SYTL3: variants seen among roughly 807,000 people sequenced by gnomAD.
The protein encoded by SYTL3 is synaptotagmin like 3.
In SYTL3, 88 loss-of-function variants were observed where a neutral mutation model predicts 82.1. That is an observed-to-expected ratio of 1.07 (90% CI 0.90 to 1.28). SYTL3 has a LOEUF of 1.28. Among genes scored for constraint, SYTL3 ranks in the 50% most tolerant of loss-of-function variants. The pLI, the probability that SYTL3 is intolerant of heterozygous loss-of-function variation, is 0.00. For synonymous variants in SYTL3, 311 were observed against 289.4 expected (o/e 1.07, Z -0.76); for missense variants, 831 against 757.6 (o/e 1.10, Z -1.14).
At chr6:158,730,902 TC>T (rs1325298937) in intron 11 of SYTL3, among the ~76,000 whole-genome samples, 1 of 152,124 alleles carries the variant, frequency 6.6e-6, no homozygotes, top group Non-Finnish European at 1.5e-5. Flanking sequence ...GGTGAAGTAT[TC>T]CTTAGTCAGG....
chr6:158,660,425 G>T (rs1789243318), intron 2 of SYTL3, among the ~76,000 whole-genome samples: 1 of 152,268 alleles, frequency 6.6e-6, no homozygotes, highest in African/African-American at 2.4e-5. Flanking sequence ...GGGGGAGCGT[G>T]AGCTCCCTCT....
chr6:158,715,744 C>T (rs1236809715), intron 9 of SYTL3, among the ~76,000 whole-genome samples: 1 of 151,202 alleles, frequency 6.6e-6, no homozygotes, highest in East Asian at 1.9e-4. Context: ...GAGTGCTTCC[C>T]CTGTTTCTGC....
chr6:158,651,221 A>G (rs1787972194), intron 1 of SYTL3, among the ~76,000 whole-genome samples: 1 of 152,234 alleles, frequency 6.6e-6, no homozygotes, highest in Non-Finnish European at 1.5e-5. Context: ...GTTCAGAGTA[A>G]GAGCTAAATA....
chr6:158,691,673 A>G (rs1233508989), intron 6 of SYTL3, among the ~76,000 whole-genome samples: 2 of 151,278 alleles, frequency 1.3e-5, no homozygotes, highest in Admixed American at 1.3e-4. Context: ...CTTTTTTGAG[A>G]CGGAGTCTCG....
intron 6 of SYTL3, among the ~76,000 whole-genome samples, chr6:158,689,842 C>T (rs140998068): frequency 8.0e-4 from 122 of 152,064 alleles, no homozygotes; most frequent in African/African-American, 2.8e-3. Context: ...TTAGTAGAGA[C>T]GGGGTTTCAT....
chr6:158,744,304 C>CTTTTTTTTTTTTTTTT (rs869182913), intron 11 of SYTL3, among the ~76,000 whole-genome samples: 1 of 99,208 alleles, frequency 1.0e-5, no homozygotes, highest in Non-Finnish European at 1.9e-5. Context: ...CTTTTTCTTT[C>CTTTTTTTTTTTTTTTT]TTTTTTTTTT....
At chr6:158,704,341 C>T (rs1377179065) in intron 6 of SYTL3, among the ~76,000 whole-genome samples, 1 of 152,214 alleles carries the variant, frequency 6.6e-6, no homozygotes, top group Non-Finnish European at 1.5e-5. Flanking sequence ...TTGACCCAGG[C>T]CCCGCCTGTG....
chr6:158,676,933 T>C (rs1173313747), intron 5 of SYTL3, among the ~76,000 whole-genome samples: 1 of 151,820 alleles, frequency 6.6e-6, no homozygotes, highest in African/African-American at 2.4e-5. Context: ...TGTGGAGAAA[T>C]AGGAACACTT....
intron 12 of SYTL3, among the ~76,000 whole-genome samples, chr6:158,745,996 T>A (rs1304800917): frequency 6.6e-6 from 1 of 152,190 alleles, no homozygotes; most frequent in East Asian, 1.9e-4. Flanking sequence ...CTCACAGTTC[T>A]GGAGGCTGGG....
intron 10 of SYTL3, among the ~76,000 whole-genome samples, 154 bp from the exon 11 acceptor site, chr6:158,725,349 G>A (rs558206408): frequency 8.5e-5 from 13 of 152,228 alleles, no homozygotes; most frequent in African/African-American, 2.4e-4. Context: ...GTGTGCGCAC[G>A]TGCACGCATT....
At position 158,751,994 on chromosome 6, in the gene SYTL3, G is replaced by GA; in HGVS notation, c.1103dup (p.Asn368LysfsTer54). On this transcript the variant is annotated frameshift_variant, in exon 13 of 18. Coordinates refer to ENST00000611299, the MANE Select transcript of SYTL3 (RefSeq NM_001242394.2). LOFTEE classifies it high-confidence loss of function. ...GAAAGCGCAAGACTGGAGTCCAAAGGAACACCGTGGACCCGACCTTTCAGG... is the reference window on the plus strand; with the variant it reads ...GAAAGCGCAAGACTGGAGTCCAAAGGAAACACCGTGGACCCGACCTTTCAGG... 1 of 1,604,212 alleles carries GA rather than the reference G, an allele frequency of 6.2e-7. No individual in the cohort carries two copies. Among genetic ancestry groups the GA allele is most frequent in the Non-Finnish European group, 8.5e-7 (1 of 1,175,892 alleles).
chr6:158,647,927 C>T (rs1475021847), upstream of SYTL3, among the ~76,000 whole-genome samples: 1 of 152,214 alleles, frequency 6.6e-6, no homozygotes, highest in Non-Finnish European at 1.5e-5. Flanking sequence ...GCTGCCAATA[C>T]CTTTATTTAG....
chr6:158,709,364 T>G (rs1782501498), intron 8 of SYTL3, among the ~76,000 whole-genome samples: 1 of 152,212 alleles, frequency 6.6e-6, no homozygotes, highest in African/African-American at 2.4e-5. Flanking sequence ...GCCTATTTTA[T>G]AATAATAAAA....
chr6:158,719,539 G>A (rs1783825778), intron 10 of SYTL3, among the ~76,000 whole-genome samples: 1 of 152,204 alleles, frequency 6.6e-6, no homozygotes, highest in Non-Finnish European at 1.5e-5. Flanking sequence ...GGAGCGAGGT[G>A]TCTAGACAGT....
At chr6:158,760,179 C>T (rs1293749773) in intron 14 of SYTL3, among the ~76,000 whole-genome samples, 2 of 152,050 alleles carry the variant, frequency 1.3e-5, no homozygotes, top group African/African-American at 4.8e-5. Flanking sequence ...AGGGGCCACC[C>T]CCTGTGGCTC....
At position 158,697,275 on chromosome 6, in the gene SYTL3, C is replaced by CG. The variant is rs772691983; in HGVS notation, c.395-9953dup. 3.5e-4 allele frequency among the ~76,000 whole-genome samples: 37 copies of CG among 105,434 alleles called. No individual in the cohort carries two copies. In the East Asian group the frequency reaches 3.8e-3, roughly 11 times the overall value. The allele number at this position is 105,434 out of a possible 152,430, so 69.2% of individuals were successfully genotyped here. ...ACAACATGGTGAAACCCCATCTCTACGGAAAAAAAAAAAAAAAAAAAAAAA... is the reference window on the plus strand; with the variant it reads ...ACAACATGGTGAAACCCCATCTCTACGGGAAAAAAAAAAAAAAAAAAAAAAA... On this transcript the variant is annotated intron_variant, in intron 6 of 17. Coordinates refer to ENST00000611299, the MANE Select transcript of SYTL3 (RefSeq NM_001242394.2).
intron 15 of SYTL3, 76 bp from the exon 16 acceptor site, chr6:158,762,000 G>A (rs1342800704): frequency 7.8e-6 from 8 of 1,027,822 alleles, no homozygotes; most frequent in Admixed American, 1.9e-5. Context: ...CTGAGCTCTC[G>A]GTTTTGGGGT....
At chr6:158,690,218 G>A (rs1247213404) in intron 6 of SYTL3, among the ~76,000 whole-genome samples, 3 of 152,252 alleles carry the variant, frequency 2.0e-5, no homozygotes, top group African/African-American at 7.2e-5. Flanking sequence ...GAGAGCAGGA[G>A]CTATGAGTAA....
intron 11 of SYTL3, among the ~76,000 whole-genome samples, chr6:158,733,078 C>A (rs73018247): frequency 0.024 from 3,695 of 151,886 alleles, 75 homozygotes; most frequent in Middle Eastern, 0.082. Flanking sequence ...TAAAAACTAA[C>A]TTCCTTCAAG....
Sources: allele counts gnomAD v4.1 joint callset (sites outside exome capture counted in the v4.1 genomes callset), GRCh38; gene constraint gnomAD v4.1.1; transcripts MANE v1.5; gene names NCBI Gene and HGNC (gene_info 2026-07-23, HGNC 2026-07-21).